The following ESR2 variants were observed in gnomAD, a reference collection of about 807,000 sequenced individuals.
The protein encoded by ESR2 is estrogen receptor beta.
Under a neutral mutation model 49.6 loss-of-function variants are expected in ESR2, and 36 were observed. The observed-to-expected ratio is 0.73, with a 90% CI of 0.56 to 0.96. The LOEUF is 0.96. ESR2 is among the 40% of genes least tolerant of loss of function. The probability of loss-of-function intolerance (pLI) is 0.00; values close to 1 mark genes in which losing one functional copy is unlikely to be tolerated. For missense variants in ESR2, 714 were observed against 693.0 expected (o/e 1.03, Z -0.34); for synonymous variants, 320 against 266.1 (o/e 1.20, Z -1.97).
At chr14:64,310,101 C>T (rs1355565989) in intron 1 of ESR2, among the ~76,000 whole-genome samples, 1 of 150,518 alleles carries the variant, frequency 6.6e-6, no homozygotes, top group Non-Finnish European at 1.5e-5. Context: ...AAAGAAAGCT[C>T]GTCTCTACTA....
At chr14:64,246,843 A>G (rs1439456875) in intron 7 of ESR2, among the ~76,000 whole-genome samples, 1 of 151,442 alleles carries the variant, frequency 6.6e-6, no homozygotes, top group East Asian at 1.9e-4. Context: ...GTTATTCTGT[A>G]AAAGGTGAAT....
intron 3 of ESR2, among the ~76,000 whole-genome samples, chr14:64,278,239 C>G (rs1225578685): frequency 2.6e-5 from 4 of 152,150 alleles, no homozygotes; most frequent in African/African-American, 9.7e-5. Flanking sequence ...CTTATTTCAT[C>G]TTTAGAAAAT....
intron 1 of ESR2, among the ~76,000 whole-genome samples, chr14:64,293,308 T>C (rs769297461): frequency 6.6e-6 from 1 of 152,222 alleles, no homozygotes; most frequent in Non-Finnish European, 1.5e-5. Context: ...GGAATGCCCA[T>C]GTAAATACTA....
chr14:64,321,224 C>G (rs2077320909), intron 1 of ESR2, among the ~76,000 whole-genome samples: 1 of 147,482 alleles, frequency 6.8e-6, no homozygotes, highest in South Asian at 2.1e-4. Context: ...ATGAAATGTC[C>G]AAAAAAAGGA....
intron 7 of ESR2, among the ~76,000 whole-genome samples, chr14:64,246,092 C>T (rs942844619): frequency 6.6e-6 from 1 of 152,200 alleles, no homozygotes; most frequent in African/African-American, 2.4e-5. Flanking sequence ...CCTGTAATCA[C>T]GGCACTTTGG....
intron 1 of ESR2, among the ~76,000 whole-genome samples, chr14:64,328,317 G>A (rs982311079): frequency 6.6e-5 from 10 of 152,122 alleles, no homozygotes; most frequent in African/African-American, 2.2e-4. Context: ...TACTCAGGAG[G>A]CCAAGACAGG....
chr14:64,283,756 A>G (rs2076732524), intron 1 of ESR2, among the ~76,000 whole-genome samples: 1 of 133,232 alleles, frequency 7.5e-6, no homozygotes, highest in African/African-American at 3.2e-5. Flanking sequence ...TCAAAAAAAA[A>G]AAAAAAAAAA....
intron 1 of ESR2, among the ~76,000 whole-genome samples, chr14:64,326,772 G>A (rs1338401091): frequency 6.6e-6 from 1 of 152,168 alleles, no homozygotes; most frequent in Non-Finnish European, 1.5e-5. Flanking sequence ...CATGATCTCA[G>A]CTTTCAGCTT....
intron 7 of ESR2, among the ~76,000 whole-genome samples, chr14:64,249,150 G>C (rs2075931566): frequency 2.0e-5 from 3 of 152,172 alleles, no homozygotes; most frequent in East Asian, 3.9e-4. Flanking sequence ...GCCATTTGAG[G>C]GTAGGATTGT....
chr14:64,286,548 C>T lies in ESR2; in HGVS notation c.-90-3473G>A, dbSNP rs1008690742. On this transcript the variant is annotated intron_variant, in intron 1 of 8. Transcript: ENST00000341099. The stretch of plus-strand genomic sequence containing the variant: ...AACTTCCGACCTCAAATGATCCACC[C>T]GCCTTGGCCTCCCAAAGTGCTGGGA... Among the ~76,000 whole-genome samples the T allele has an allele frequency of 3.3e-5, 5 of 152,058 alleles. No homozygotes were observed. The South Asian group carries it at 6.2e-4, about 19-fold the overall frequency.
At chr14:64,299,155 T>TA (rs35415214), upstream of ESR2, among the ~76,000 whole-genome samples, 12,299 of 137,284 alleles carry the variant, frequency 0.09, 788 homozygotes, top group East Asian at 0.39. Context: ...TGAAATGAGA[T>TA]AAAAAAAAAA....
chr14:64,255,348 G>C (rs2076077903), intron 6 of ESR2, among the ~76,000 whole-genome samples: 1 of 151,086 alleles, frequency 6.6e-6, no homozygotes. Flanking sequence ...GAATGAATGA[G>C]AGCAATGGCT....
intron 1 of ESR2, among the ~76,000 whole-genome samples, chr14:64,307,830 G>A (rs1320786822): frequency 3.3e-5 from 5 of 152,020 alleles, no homozygotes; most frequent in Admixed American, 6.6e-5. Flanking sequence ...CACCATGCCC[G>A]GCCTAGGGAT....
intron 2 of ESR2, among the ~76,000 whole-genome samples, 174 bp from the exon 3 acceptor site, chr14:64,280,327 T>C (rs1414334854): frequency 6.6e-6 from 1 of 152,200 alleles, no homozygotes; most frequent in East Asian, 1.9e-4. Context: ...TGATATCATA[T>C]CTACAAAGAG....
At chr14:64,300,635 A>C (rs1247838247) in intron 1 of ESR2, among the ~76,000 whole-genome samples, 3 of 152,108 alleles carry the variant, frequency 2.0e-5, no homozygotes, top group Non-Finnish European at 4.4e-5. Flanking sequence ...TGGCACCTGT[A>C]GTCCCAGCTA....
chr14:64,294,745 A>T (rs2076931315), upstream of ESR2, among the ~76,000 whole-genome samples: 1 of 152,228 alleles, frequency 6.6e-6, no homozygotes, highest in Admixed American at 6.5e-5. Context: ...TCTGATTCTA[A>T]GGAGCCAGTG....
At chr14:64,336,048 G>A (rs2077528307) in intron 1 of ESR2, 2 of 148,022 alleles carry the variant, frequency 1.4e-5, no homozygotes, top group East Asian at 2.0e-4. Context: ...ACGGGGTTTC[G>A]CCATGTTGGC....
chr14:64,265,766 G>A (rs2076317370), intron 4 of ESR2, among the ~76,000 whole-genome samples: 1 of 152,124 alleles, frequency 6.6e-6, no homozygotes, highest in Non-Finnish European at 1.5e-5. Context: ...TACTTCAGTA[G>A]AAAAGACAAG....
At chr14:64,246,186 G>A (rs1458514536) in intron 7 of ESR2, among the ~76,000 whole-genome samples, 1 of 152,158 alleles carries the variant, frequency 6.6e-6, no homozygotes, top group Non-Finnish European at 1.5e-5. Flanking sequence ...GACATGGTTA[G>A]GCTTTGTGTC....
Sources: allele counts gnomAD v4.1 joint callset (sites outside exome capture counted in the v4.1 genomes callset), GRCh38; gene constraint gnomAD v4.1.1; transcripts MANE v1.5; gene names NCBI Gene and HGNC (gene_info 2026-07-23, HGNC 2026-07-21).